The following PTGER4 variants were observed in gnomAD, a reference collection of about 807,000 sequenced individuals.
PTGER4 encodes prostaglandin E2 receptor EP4 subtype.
Under a neutral mutation model 33.2 loss-of-function variants are expected in PTGER4, and 11 were observed. The observed-to-expected ratio is 0.33, with a 90% CI of 0.21 to 0.55. PTGER4 has a LOEUF of 0.55. Among genes scored for constraint, PTGER4 ranks in the 20% least tolerant of loss-of-function variants. The pLI is 0.92. For missense variants in PTGER4, 481 were observed against 650.2 expected (o/e 0.74, Z 2.83); for synonymous variants, 275 against 281.5 (o/e 0.98, Z 0.23).
At chr5:40,721,386 C>T in the PTGER4 span, among the ~76,000 whole-genome samples, 16 of 152,198 alleles carry the variant, frequency 1.1e-4, no homozygotes, top group South Asian at 2.7e-3. Flanking sequence ...CAAAACAATA[C>T]GATTCTGGCA....
downstream of PTGER4, among the ~76,000 whole-genome samples, chr5:40,694,157 T>C (rs755297622): frequency 3.9e-5 from 6 of 152,132 alleles, no homozygotes; most frequent in Non-Finnish European, 8.8e-5. Context: ...TTCAAGCAAT[T>C]CTCATGCCTC....
At chr5:40,709,100 G>A in the PTGER4 span, among the ~76,000 whole-genome samples, 1 of 152,156 alleles carries the variant, frequency 6.6e-6, no homozygotes, top group Non-Finnish European at 1.5e-5. Flanking sequence ...AAAACTGGAA[G>A]CATTCCCTTT....
chr5:40,688,397 CAGGACTTG>C (rs1190797862), intron 2 of PTGER4, among the ~76,000 whole-genome samples: 2 of 152,208 alleles, frequency 1.3e-5, no homozygotes, highest in South Asian at 2.1e-4. Context: ...AGACCACACA[CAGGACTTG>C]ATACTAACAG....
At chr5:40,696,572 G>C, downstream of PTGER4, 1 of 723,834 alleles carries the variant, frequency 1.4e-6, no homozygotes, top group Non-Finnish European at 1.7e-6. Context: ...GAAAGGAAGA[G>C]AGAAAGATAG....
At chr5:40,738,444 A>AAATAAAATACAATAC in the PTGER4 span, among the ~76,000 whole-genome samples, 1 of 83,646 alleles carries the variant, frequency 1.2e-5, no homozygotes, top group Non-Finnish European at 2.3e-5. Flanking sequence ...ATATAAAATA[A>AAATAAAATACAATAC]AATACAATAC....
At chr5:40,689,577 C>G (rs1376498438) in intron 2 of PTGER4, among the ~76,000 whole-genome samples, 1 of 152,128 alleles carries the variant, frequency 6.6e-6, no homozygotes, top group Non-Finnish European at 1.5e-5. Flanking sequence ...GGAACACATG[C>G]AAATGGTCAA....
chr5:40,681,617 C>T lies in PTGER4; in HGVS notation c.624C>T (p.Gly208=), dbSNP rs749203328. 3 of 1,605,586 alleles carry T rather than the reference C, an allele frequency of 1.9e-6. No homozygotes were observed. Among genetic ancestry groups the T allele is most frequent in the East Asian group, 2.2e-5 (1 of 44,814 alleles). Residue 208 remains glycine, a synonymous_variant, in exon 2 of 3, where the codon GGC becomes GGT. Coordinates refer to ENST00000302472, the MANE Select transcript of PTGER4 (RefSeq NM_000958.3). The surrounding 1 kb of genome is among the most constrained non-coding windows in gnomAD (Gnocchi z 9.8). ...TCCTCTGCAACGTGCTTGTGTGCGG[C>T]GCGCTGCTCCGCATGCACCGCCAGT... is the stretch of plus-strand genomic sequence containing the variant. The part of the protein sequence containing the change: ...ATVLCNVLVC[G]ALLRMHRQFM...
the PTGER4 span, among the ~76,000 whole-genome samples, chr5:40,732,492 C>T: frequency 6.6e-6 from 1 of 151,710 alleles, no homozygotes; most frequent in South Asian, 2.1e-4. Context: ...TGCTCTAATT[C>T]CTCCTTGTAT....
the PTGER4 span, among the ~76,000 whole-genome samples, chr5:40,711,791 A>G: frequency 2.0e-5 from 3 of 152,158 alleles, no homozygotes; most frequent in Non-Finnish European, 4.4e-5. Context: ...AGCAAAAAAA[A>G]AGTCAGACAC....
chr5:40,716,151 G>T, the PTGER4 span: 4 of 1,598,366 alleles, frequency 2.5e-6, no homozygotes, highest in Non-Finnish European at 3.4e-6. Flanking sequence ...TGCTTCATCG[G>T]GCTTTGATAA....
At chr5:40,725,036 G>A in the PTGER4 span, among the ~76,000 whole-genome samples, 14 of 151,718 alleles carry the variant, frequency 9.2e-5, no homozygotes, top group African/African-American at 3.1e-4. Flanking sequence ...TAGTAGAGAC[G>A]ACGTTTCACC....
downstream of PTGER4, among the ~76,000 whole-genome samples, chr5:40,695,726 G>A (rs536433475): frequency 3.4e-4 from 51 of 152,044 alleles, no homozygotes; most frequent in South Asian, 6.9e-3. Context: ...AGAAAAAAAT[G>A]GTACTTTGTG....
At chr5:40,731,757 T>C in the PTGER4 span, among the ~76,000 whole-genome samples, 4 of 152,158 alleles carry the variant, frequency 2.6e-5, no homozygotes, top group South Asian at 2.1e-4. Flanking sequence ...ATATCTAAGA[T>C]TGCCTTCCTA....
chr5:40,714,666 A>C, the PTGER4 span: 1 of 152,268 alleles, frequency 6.6e-6, no homozygotes, highest in South Asian at 2.1e-4. Context: ...AACCAGAGCT[A>C]ATTTTCTGAT....
the PTGER4 span, among the ~76,000 whole-genome samples, chr5:40,722,872 C>T: frequency 9.3e-5 from 14 of 151,044 alleles, no homozygotes; most frequent in Non-Finnish European, 1.5e-4. Context: ...GGGGCGCCTC[C>T]GCCCGGCTGC....
chr5:40,720,832 C>T, the PTGER4 span, among the ~76,000 whole-genome samples: 6 of 152,312 alleles, frequency 3.9e-5, no homozygotes, highest in East Asian at 1.9e-4. Flanking sequence ...GGGAAGAACC[C>T]TGCAGCTCCA....
the PTGER4 span, among the ~76,000 whole-genome samples, chr5:40,703,630 C>T: frequency 1.8e-3 from 270 of 152,112 alleles, 1 homozygote; most frequent in African/African-American, 5.7e-3. Context: ...AGGCCGGGCA[C>T]GGTGTGGCTC....
the PTGER4 span, among the ~76,000 whole-genome samples, chr5:40,729,404 A>C: frequency 6.6e-6 from 1 of 152,250 alleles, no homozygotes; most frequent in African/African-American, 2.4e-5. Context: ...GACTTTTAAA[A>C]TCACTTGGAT....
chr5:40,745,908 T>C, the PTGER4 span, among the ~76,000 whole-genome samples: 1 of 152,024 alleles, frequency 6.6e-6, no homozygotes, highest in Non-Finnish European at 1.5e-5. Context: ...CCAGTTGTAC[T>C]ATTCTTTAAT....
Sources: allele counts gnomAD v4.1 joint callset (sites outside exome capture counted in the v4.1 genomes callset), GRCh38; gene constraint gnomAD v4.1.1; non-coding constraint Gnocchi (gnomAD v3.1); transcripts MANE v1.5; gene names NCBI Gene and HGNC (gene_info 2026-07-23, HGNC 2026-07-21).